Variants in LAMA3 observed in about 807,000 individuals in gnomAD.
LAMA3 encodes laminin subunit alpha 3, also known as laminin subunit alpha-3.
In LAMA3, 281 loss-of-function variants were observed where a neutral mutation model predicts 402.0. The ratio of observed to expected loss-of-function variants is 0.70; its 90% CI spans 0.63 to 0.77. The LOEUF is 0.77. Ranked by LOEUF, LAMA3 falls within the 30% of genes least tolerant of loss-of-function variation. LAMA3 has a pLI of 0.00. For missense variants in LAMA3, 3,840 were observed against 4,215.5 expected (o/e 0.91, Z 2.47); for synonymous variants, 1,431 against 1,558.4 (o/e 0.92, Z 1.93).
chr18:23,835,260 C>T (rs1290657965), intron 24 of LAMA3, among the ~76,000 whole-genome samples: 6 of 152,192 alleles, frequency 3.9e-5, no homozygotes, highest in Non-Finnish European at 8.8e-5. Context: ...GATCCCATGG[C>T]TTGACTACTG....
intron 38 of LAMA3, chr18:23,873,347 G>T: frequency 1.2e-6 from 1 of 844,804 alleles, no homozygotes; most frequent in South Asian, 1.3e-5. Flanking sequence ...CAGTCACCTT[G>T]ACTGGCAGTG....
rs1016877581 is a variant in LAMA3 at position 23,810,589 on chromosome 18, A to C, written c.1741+86A>C. ...TCCCAGAGAAGCCTGCAAATCCCCCACAGACTCACCACTGGCCACCCCCAC... is the reference window on the plus strand; with the variant it reads ...TCCCAGAGAAGCCTGCAAATCCCCCCCAGACTCACCACTGGCCACCCCCAC... On this transcript the variant is annotated intron_variant, in intron 13 of 74. Transcript: ENST00000313654. 6.8e-6 allele frequency: 10 copies of C among 1,480,142 alleles called. No homozygotes were observed. The African/African-American group carries it at 1.4e-4, about 21-fold the overall frequency. 91.7% of individuals were successfully genotyped at this position (1,480,142 alleles called of 1,614,324 possible).
At chr18:23,928,083 A>G (rs2082058555) in intron 62 of LAMA3, 40 bp from the exon 63 acceptor site, 1 of 1,389,780 alleles carries the variant, frequency 7.2e-7, no homozygotes, top group East Asian at 2.3e-5. Flanking sequence ...CGTGAGCCTG[A>G]CATGATCCAT....
intron 35 of LAMA3, 71 bp downstream of exon 35, chr18:23,861,878 G>A: frequency 1.4e-6 from 2 of 1,471,316 alleles, no homozygotes; most frequent in Non-Finnish European, 1.8e-6. Flanking sequence ...ATCATTTCCT[G>A]GAAATCTGGA....
intron 41 of LAMA3, among the ~76,000 whole-genome samples, chr18:23,889,286 G>T (rs759297815): frequency 6.6e-5 from 10 of 152,014 alleles, no homozygotes; most frequent in Non-Finnish European, 1.2e-4. Flanking sequence ...AATTAACCAG[G>T]CCTGGTGGCA....
intron 12 of LAMA3, among the ~76,000 whole-genome samples, chr18:23,792,318 G>T (rs2062674690): frequency 6.6e-6 from 1 of 152,178 alleles, no homozygotes; most frequent in South Asian, 2.1e-4. Context: ...GCCACATCTG[G>T]CTGGCTTCTG....
chr18:23,706,942 G>A (rs1026741783), intron 1 of LAMA3, among the ~76,000 whole-genome samples: 1 of 152,180 alleles, frequency 6.6e-6, no homozygotes, highest in Non-Finnish European at 1.5e-5. Context: ...GCTGGACGTG[G>A]TGGCACATGC....
At chr18:23,766,684 C>G (rs138536131) in intron 8 of LAMA3, among the ~76,000 whole-genome samples, 97 of 152,148 alleles carry the variant, frequency 6.4e-4, no homozygotes, top group Non-Finnish European at 1.2e-3. Flanking sequence ...TTAAAACATA[C>G]AAAAATTAGC....
chr18:23,861,592 C>A (rs2064222679), intron 34 of LAMA3, 54 bp from the exon 35 acceptor site: 1 of 1,602,620 alleles, frequency 6.2e-7, no homozygotes, highest in South Asian at 1.1e-5. Flanking sequence ...CCCATCACCC[C>A]AGGGATGCCA....
rs199610601 is a variant in LAMA3, at chr18:23,822,304, G to C, written c.2357G>C (p.Arg786Pro). The C allele has an allele frequency of 1.2e-6, 2 of 1,613,484 alleles. No individual in the cohort carries two copies. The highest frequency in any genetic ancestry group is 2.7e-5 in the African/African-American group (2 of 74,982). Residue 786 changes from arginine (R) to proline (P), a missense_variant, in exon 20 of 75, where the codon CGT (arginine) becomes CCT (proline). Around this residue, in one of 3 missense-constraint regions of LAMA3, gnomAD observed 2,109 missense variants for 2,376.0 expected, o/e 0.89. Transcript: ENST00000313654. Reference protein sequence around the residue: ...NVGKSSGSLFRVILRYVNPGT... With the variant: ...NVGKSSGSLFPVILRYVNPGT... ...GGGAAGTCAAGTGGCTCCTTGTTTCGTGTTATTCTGAGATACGTTAACCCT... is the reference window on the plus strand; with the variant it reads ...GGGAAGTCAAGTGGCTCCTTGTTTCCTGTTATTCTGAGATACGTTAACCCT...
intron 2 of LAMA3, among the ~76,000 whole-genome samples, chr18:23,726,947 TTTG>T (rs2061311128): frequency 6.6e-6 from 1 of 152,186 alleles, no homozygotes; most frequent in Non-Finnish European, 1.5e-5. Context: ...AGGCTATTTA[TTTG>T]TTGTTGTTGA....
At chr18:23,915,931 G>A (rs548248280) in intron 59 of LAMA3, among the ~76,000 whole-genome samples, 2 of 139,072 alleles carry the variant, frequency 1.4e-5, no homozygotes, top group South Asian at 2.3e-4. Context: ...GCTTGAACTC[G>A]GGAGGTCAAG....
chr18:23,780,475 G>T (rs1309277632), intron 11 of LAMA3, among the ~76,000 whole-genome samples: 1 of 152,154 alleles, frequency 6.6e-6, no homozygotes, highest in Non-Finnish European at 1.5e-5. Flanking sequence ...GGGCAGGGAA[G>T]AGAAGCCGTG....
At chr18:23,885,834 A>G (rs1020599385) in intron 41 of LAMA3, among the ~76,000 whole-genome samples, 15 of 152,262 alleles carry the variant, frequency 9.9e-5, no homozygotes, top group Non-Finnish European at 2.9e-5. Context: ...AAACGCTTTC[A>G]CATACAATCC....
At position 23,867,882 on chromosome 18, in the gene LAMA3, G is replaced by T. The variant is rs764587285; in HGVS notation, c.4732G>T (p.Asp1578Tyr). 3.7e-6 allele frequency: 6 copies of T among 1,614,112 alleles called. No homozygotes were observed. The Admixed American group carries it at 1.0e-4, about 27-fold the overall frequency. ...TGAGGAGACAAACACCCCACGGCCA[G>T]ACCGGCTGCATCATGGACGAGTGCA... Reference protein sequence around the residue: ...IYEETNTPRPDRLHHGRVHVV... With the variant: ...IYEETNTPRPYRLHHGRVHVV... Residue 1578 changes from aspartate to tyrosine, a missense_variant, in exon 37 of 75, where the codon GAC becomes TAC. This residue lies in a region of LAMA3 where 2,109 missense variants were observed against 2,376.0 expected (regional missense o/e 0.89). Coordinates refer to ENST00000313654, the MANE Select transcript of LAMA3 (RefSeq NM_198129.4).
chr18:23,766,719 A>G (rs1431179441), intron 8 of LAMA3, among the ~76,000 whole-genome samples: 1 of 152,068 alleles, frequency 6.6e-6, no homozygotes, highest in Non-Finnish European at 1.5e-5. Context: ...TGCACCTGTA[A>G]TCCCAGATAC....
At chr18:23,894,214 C>T (rs2080795594) in intron 42 of LAMA3, 84 bp from the exon 43 acceptor site, 2 of 1,147,154 alleles carry the variant, frequency 1.7e-6, no homozygotes, top group Admixed American at 3.5e-5. Flanking sequence ...CTTTGCAAAA[C>T]TAGCTTTTCT....
chr18:23,736,566 C>G (rs1292628758), intron 2 of LAMA3, among the ~76,000 whole-genome samples: 1 of 151,930 alleles, frequency 6.6e-6, no homozygotes, highest in Admixed American at 6.6e-5. Context: ...AAAACTGTTA[C>G]AAATTAGAAT....
intron 2 of LAMA3, among the ~76,000 whole-genome samples, chr18:23,715,064 T>C (rs1167059856): frequency 2.0e-5 from 3 of 152,136 alleles, no homozygotes; most frequent in Non-Finnish European, 4.4e-5. Context: ...GGCAAATCTA[T>C]AGAGAGAAAA....
Sources: gnomAD v4.1 joint callset for allele counts (sites outside exome capture counted in the v4.1 genomes callset) on GRCh38, gnomAD v4.1.1 for gene constraint, gnomAD v4.1.1 regional missense constraint, MANE v1.5 for transcripts, NCBI Gene and HGNC (gene_info 2026-07-23, HGNC 2026-07-21) for gene names.